The following CORO2B variants were observed in gnomAD, a reference collection of about 807,000 sequenced individuals.
CORO2B encodes coronin 2B, also known as coronin-2B.
Under a neutral mutation model 58.8 loss-of-function variants are expected in CORO2B, and 26 were observed. The observed-to-expected ratio is 0.44, with a 90% confidence interval of 0.32 to 0.61. The LOEUF (loss-of-function observed/expected upper bound fraction) is 0.61. Ranked by LOEUF, CORO2B falls within the 20% of genes least tolerant of loss-of-function variation. CORO2B has a pLI of 0.04. For missense variants in CORO2B, 460 were observed against 645.1 expected, an observed-to-expected ratio of 0.71 and a Z score of 3.11; for synonymous variants, 242 against 253.8, an observed-to-expected ratio of 0.95 and a Z score of 0.44.
chr15:68,521,897 G>A, the CORO2B span, among the ~76,000 whole-genome samples: 2 of 151,792 alleles, frequency 1.3e-5, no homozygotes, highest in African/African-American at 4.8e-5. Flanking sequence ...GCAAAACCCC[G>A]TCTCCAATGA....
chr15:68,692,336 C>T (rs1323237612), intron 2 of CORO2B, among the ~76,000 whole-genome samples: 2 of 152,100 alleles, frequency 1.3e-5, no homozygotes, highest in African/African-American at 4.8e-5. Context: ...CAATGGCACA[C>T]GGCTTTGGAA....
chr15:68,653,806 C>T (rs1901717392), intron 2 of CORO2B, among the ~76,000 whole-genome samples: 1 of 151,908 alleles, frequency 6.6e-6, no homozygotes. Flanking sequence ...TTCTGTAACA[C>T]CCCATCACTC....
chr15:68,525,317 G>C, the CORO2B span, among the ~76,000 whole-genome samples: 1 of 152,176 alleles, frequency 6.6e-6, no homozygotes, highest in African/African-American at 2.4e-5. Context: ...GAAGCATTTT[G>C]AAAAGAAAAG....
At chr15:68,621,777 T>TC (rs928644324) in intron 1 of CORO2B, among the ~76,000 whole-genome samples, 1 of 151,658 alleles carries the variant, frequency 6.6e-6, no homozygotes, top group African/African-American at 2.4e-5. Context: ...CTTTTTTTTT[T>TC]TTTTTTTGAG....
At chr15:68,536,712 T>C in the CORO2B span, among the ~76,000 whole-genome samples, 1 of 152,208 alleles carries the variant, frequency 6.6e-6, no homozygotes. Context: ...AATTTCTGAA[T>C]AAAAACTGAA....
At chr15:68,622,362 G>A (rs963633220) in intron 1 of CORO2B, among the ~76,000 whole-genome samples, 2 of 152,140 alleles carry the variant, frequency 1.3e-5, no homozygotes, top group African/African-American at 2.4e-5. Flanking sequence ...TGAGCTGACT[G>A]GGGAAGACAT....
rs756753941 is a variant in CORO2B, at chr15:68,714,050, C to G, written c.765+9C>G. Reference sequence around the variant, plus strand: ...TTGCCCTCTGGGACCAGGTCAGCCACGGGGAGGCCTGCTGGGTTTGGGCTA... The same window carrying G: ...TTGCCCTCTGGGACCAGGTCAGCCAGGGGGAGGCCTGCTGGGTTTGGGCTA... On this transcript the variant is annotated intron_variant, in intron 6 of 11. Coordinates refer to ENST00000261861, the MANE Select transcript of CORO2B (RefSeq NM_006091.5). 2.5e-6 allele frequency: 4 copies of G among 1,582,062 alleles called. No homozygotes were observed. In the Admixed American group the frequency reaches 6.7e-5, roughly 26 times the overall value.
chr15:68,656,141 C>A (rs1901794278), intron 2 of CORO2B, among the ~76,000 whole-genome samples: 1 of 139,660 alleles, frequency 7.2e-6, no homozygotes, highest in African/African-American at 2.8e-5. Flanking sequence ...CTGACTGCTG[C>A]CCACCCCTCC....
the CORO2B span, among the ~76,000 whole-genome samples, chr15:68,534,242 A>C: frequency 1.3e-5 from 2 of 150,476 alleles, no homozygotes; most frequent in South Asian, 2.1e-4. Flanking sequence ...ACATACACAC[A>C]TGCATGGATG....
chr15:68,518,682 G>C, the CORO2B span, among the ~76,000 whole-genome samples: 2 of 152,040 alleles, frequency 1.3e-5, no homozygotes, highest in African/African-American at 4.8e-5. Flanking sequence ...AACAGGCTTC[G>C]GGCTGATCTC....
intron 1 of CORO2B, among the ~76,000 whole-genome samples, chr15:68,606,929 C>T (rs954293732): frequency 1.6e-4 from 25 of 152,078 alleles, no homozygotes; most frequent in African/African-American, 6.0e-4. Flanking sequence ...TGGATTGACT[C>T]GGAACCAGGA....
At chr15:68,677,669 C>T (rs564822712) in intron 2 of CORO2B, among the ~76,000 whole-genome samples, 10 of 152,298 alleles carry the variant, frequency 6.6e-5, no homozygotes, top group African/African-American at 1.9e-4. Context: ...TTGGTGACTT[C>T]GTGTTGGGAA....
intron 3 of CORO2B, among the ~76,000 whole-genome samples, chr15:68,696,553 G>A (rs1440114627): frequency 7.1e-4 from 13 of 18,250 alleles, no homozygotes; most frequent in Non-Finnish European, 2.8e-3. Context: ...GCAAGACTCT[G>A]CCTCAAAAAA....
chr15:68,665,997 G>A (rs995350391), intron 2 of CORO2B, among the ~76,000 whole-genome samples: 1 of 152,056 alleles, frequency 6.6e-6, no homozygotes, highest in African/African-American at 2.4e-5. Flanking sequence ...TAACTTTGAT[G>A]GCAATGCATC....
At chr15:68,650,961 C>A (rs1207723921) in intron 2 of CORO2B, among the ~76,000 whole-genome samples, 1 of 152,068 alleles carries the variant, frequency 6.6e-6, no homozygotes, top group African/African-American at 2.4e-5. Flanking sequence ...GAACATCAGC[C>A]CTCCCTTATG....
chr15:68,651,150 G>C (rs1418391970), intron 2 of CORO2B, among the ~76,000 whole-genome samples: 1 of 152,220 alleles, frequency 6.6e-6, no homozygotes, highest in African/African-American at 2.4e-5. Context: ...TTTGAGGCAG[G>C]ACCCCGAGTC....
chr15:68,618,129 TGCATACACACACAC>T (rs1900414936), intron 1 of CORO2B, among the ~76,000 whole-genome samples: 1 of 152,054 alleles, frequency 6.6e-6, no homozygotes, highest in Non-Finnish European at 1.5e-5. Context: ...TACACACACA[TGCATACACACACAC>T]ACACACAAAT....
chr15:68,538,789 C>T, the CORO2B span, among the ~76,000 whole-genome samples: 1 of 152,098 alleles, frequency 6.6e-6, no homozygotes, highest in Non-Finnish European at 1.5e-5. Flanking sequence ...ATCCCTGGAC[C>T]TATTAGGACT....
the CORO2B span, among the ~76,000 whole-genome samples, chr15:68,523,401 C>A: frequency 6.6e-6 from 1 of 151,932 alleles, no homozygotes; most frequent in Non-Finnish European, 1.5e-5. Context: ...CTCCCTATGT[C>A]GCCCAGGCTG....
Sources: gnomAD v4.1 joint callset for allele counts (sites outside exome capture counted in the v4.1 genomes callset) on GRCh38, gnomAD v4.1.1 for gene constraint, MANE v1.5 for transcripts, NCBI Gene and HGNC (gene_info 2026-07-23, HGNC 2026-07-21) for gene names.